Variants in MYLK2 observed in about 807,000 individuals in gnomAD.
MYLK2 encodes myosin light chain kinase 2, skeletal/cardiac muscle.
A neutral mutation model predicts 58.2 loss-of-function variants in MYLK2; 27 were observed. That is an observed-to-expected ratio of 0.46 (90% confidence interval 0.34 to 0.64). MYLK2 has a LOEUF of 0.64. Among genes scored for constraint, MYLK2 ranks in the 30% least tolerant of loss-of-function variants. The pLI, the probability that MYLK2 is intolerant of heterozygous loss-of-function variation, is 0.01. For missense variants in MYLK2, 676 were observed against 764.3 expected (o/e 0.88, Z 1.36); for synonymous variants, 310 against 296.7 (o/e 1.04, Z -0.46).
chr20:31,833,789 G>A lies in MYLK2; in HGVS notation c.1783G>A (p.Gly595Arg), dbSNP rs2062319327. Residue 595 changes from glycine (G) to arginine (R), a missense_variant, in exon 13 of 13, where the codon GGG (glycine) becomes AGG (arginine). Transcript: ENST00000375985. ...CAGCTCGGGGGCACTGATGGCTCTGGGGGTCTGAGCCCTGGGCGCAGCTGA... is the reference window on the plus strand; with the variant it reads ...CAGCTCGGGGGCACTGATGGCTCTGAGGGTCTGAGCCCTGGGCGCAGCTGA... ...ISSSGALMAL[G>R]V 3.1e-6 allele frequency: 5 copies of A among 1,612,704 alleles called. No individual in the cohort carries two copies. The East Asian group carries it at 6.7e-5, about 22-fold the overall frequency.
rs756719732 is a variant in MYLK2 at position 31,832,109 on chromosome 20, G to A, written c.1683G>A (p.Lys561=). The change falls in exon 12 of 13, where the codon AAG becomes AAA. Residue 561 remains lysine (K), a synonymous_variant. Transcript: ENST00000375985. ...GCCTTAAGTCCCAGATCTTGCTTAA[G>A]AAATACCTCATGAAGAGGCGCTGGA... The part of the protein sequence containing the change: ...NRRLKSQILL[K]KYLMKRRWKK... 4.0e-6 allele frequency: 6 copies of A among 1,518,814 alleles called. No individual in the cohort carries two copies. In the South Asian group the frequency reaches 6.7e-5, roughly 17 times the overall value. 94.1% of individuals were successfully genotyped at this position (1,518,814 alleles called of 1,614,324 possible). A position where few individuals can be genotyped will look rare whatever the true frequency, so the allele number is the denominator to read the frequency against.
chr20:31,820,102 A>T, intron 2 of MYLK2, 24 bp from the exon 3 acceptor site: 1 of 1,613,082 alleles, frequency 6.2e-7, no homozygotes, highest in South Asian at 1.1e-5. Context: ...GTGGATCCTG[A>T]TGGGTGTCTC....
At chr20:31,833,681 G>A (rs745884507) in intron 12 of MYLK2, 36 bp from the exon 13 acceptor site, 15 of 1,584,460 alleles carry the variant, frequency 9.5e-6, no homozygotes, top group East Asian at 8.9e-5. Context: ...CCCCTGCCCT[G>A]GTGTTGACTG....
intron 12 of MYLK2, 70 bp from the exon 13 acceptor site, chr20:31,833,647 C>A: frequency 1.5e-6 from 2 of 1,376,728 alleles, no homozygotes; most frequent in Non-Finnish European, 2.1e-6. Context: ...GACTTACAGG[C>A]TGCTCAGACA....
chr20:31,827,286 T>G lies in MYLK2; in HGVS notation c.1224+348T>G, dbSNP rs1328441464. The G allele has an allele frequency of 5.1e-6, 5 of 985,282 alleles. No individual in the cohort carries two copies. In the Admixed American group the frequency reaches 3.1e-4, roughly 61 times the overall value. The allele number at this position is 985,282 out of a possible 1,614,324, so 61.0% of individuals were successfully genotyped here. A position where few individuals can be genotyped will look rare whatever the true frequency, so the allele number is the denominator to read the frequency against. On this transcript the variant is annotated intron_variant, in intron 8 of 12. Transcript: ENST00000375985. ...AATAAGTGTTGCAATAGCACCTGCCTCAGCCTTGGCCCATGATAGGTACTA... is the reference window on the plus strand; with the variant it reads ...AATAAGTGTTGCAATAGCACCTGCCGCAGCCTTGGCCCATGATAGGTACTA...
At chr20:31,824,018 G>A (rs2062265855) in intron 5 of MYLK2, 21 of 985,180 alleles carry the variant, frequency 2.1e-5, no homozygotes, top group Middle Eastern at 5.2e-4. Context: ...CTCCCTACAC[G>A]CCTGCTCTTC....
intron 11 of MYLK2, 30 bp downstream of exon 11, chr20:31,831,885 T>A (rs1045097926): frequency 3.1e-6 from 5 of 1,613,904 alleles, no homozygotes; most frequent in Non-Finnish European, 3.4e-6. Context: ...CTGAACTGTA[T>A]GTGTGCAAGC....
At chr20:31,826,258 G>A (rs1317546345) in intron 6 of MYLK2, among the ~76,000 whole-genome samples, 1 of 152,178 alleles carries the variant, frequency 6.6e-6, no homozygotes, top group East Asian at 1.9e-4. Context: ...CAGAGGTTGA[G>A]ATGTATATTT....
chr20:31,821,388 G>T, intron 3 of MYLK2, 51 bp from the exon 4 acceptor site: 4 of 1,609,552 alleles, frequency 2.5e-6, no homozygotes, highest in East Asian at 2.2e-5. Context: ...CTTGCCTGAT[G>T]CCACAGGCTG....
rs2062318079 is a variant in MYLK2, at chr20:31,833,659, C to A, written c.1711-58C>A. On this transcript the variant is annotated intron_variant, in intron 12 of 12. Transcript: ENST00000375985. ...GGGGACTTACAGGCTGCTCAGACAC[C>A]CTGCAGCTGCCCCCCTGCCCTGGTG... 5 of 1,486,126 alleles carry A rather than the reference C, an allele frequency of 3.4e-6. No individual in the cohort carries two copies. In the South Asian group the frequency reaches 5.6e-5, roughly 17 times the overall value. The allele number at this position is 1,486,126 out of a possible 1,614,324, so 92.1% of individuals were successfully genotyped here. A position where few individuals can be genotyped will look rare whatever the true frequency, so the allele number is the denominator to read the frequency against.
rs2062318885 is a variant in MYLK2 at position 31,833,743 on chromosome 20, C to T, written c.1737C>T (p.Ala579=). 6.2e-6 allele frequency: 10 copies of T among 1,613,954 alleles called. No homozygotes were observed. Among genetic ancestry groups the T allele is most frequent in the South Asian group, 1.1e-5 (1 of 91,088 alleles). Residue 579 remains alanine (A), a synonymous_variant, in exon 13 of 13, where the codon GCC becomes GCT. Transcript: ENST00000375985. The part of the protein sequence containing the change: ...WKKNFIAVSA[A]NRFKKISSSG... ...AAAACTTCATTGCTGTCAGCGCTGCCAACCGCTTCAAGAAGATCAGCAGCT... is the reference window on the plus strand; with the variant it reads ...AAAACTTCATTGCTGTCAGCGCTGCTAACCGCTTCAAGAAGATCAGCAGCT...
rs755363421 is a variant in MYLK2 at position 31,820,257 on chromosome 20, G to A, written c.184G>A (p.Gly62Arg). The change falls in exon 3 of 13, where the codon GGG becomes AGG. Residue 62 changes from glycine to arginine, a missense_variant. Gly to Arg is a moderately radical substitution (Grantham distance 125). Transcript: ENST00000375985. Reference sequence around the variant, plus strand: ...TGCCAAAGCCCCTGCCTCAGAGAAAGGGGATGGTACCCTGGCCCAACCCTC... The same window carrying A: ...TGCCAAAGCCCCTGCCTCAGAGAAAAGGGATGGTACCCTGGCCCAACCCTC... ...KDAKAPASEK[G>R]DGTLAQPSTS... is the part of the protein sequence containing the mutation. 31 of 1,613,910 alleles carry A rather than the reference G, an allele frequency of 1.9e-5. No individual in the cohort carries two copies. The Admixed American group carries it at 2.3e-4, about 12-fold the overall frequency.
In MYLK2 at chr20:31,824,326, A is replaced by G. The variant is rs1300645321; in HGVS notation, c.946A>G (p.Ile316Val). The G allele has an allele frequency of 6.2e-7, 1 of 1,613,072 alleles. No individual in the cohort carries two copies. Among genetic ancestry groups the G allele is most frequent in the Non-Finnish European group, 8.5e-7 (1 of 1,179,462 alleles). Reference sequence around the variant, plus strand: ...AGGCCTCAAGCTGGCAGCCAAGGTCATCAAGAAACAGACTCCCAAAGACAA... The same window carrying G: ...AGGCCTCAAGCTGGCAGCCAAGGTCGTCAAGAAACAGACTCCCAAAGACAA... The part of the protein sequence containing the change: ...ATGLKLAAKV[I>V]KKQTPKDKEM... Residue 316 changes from isoleucine (I) to valine (V), a missense_variant, in exon 6 of 13, where the codon ATC becomes GTC. By Grantham distance (29) the Ile-to-Val change is conservative. Coordinates refer to ENST00000375985, the MANE Select transcript of MYLK2 (RefSeq NM_033118.4).
At position 31,820,179 on chromosome 20, in the gene MYLK2, C is replaced by T. The variant is rs755311375; in HGVS notation, c.106C>T (p.Pro36Ser). ...AAGACCCCTGGCTGCAGGGAAAGAC[C>T]CTGGCCCCCCAGACCCAAAGAAAGC... The part of the protein sequence containing the change: ...GERPLAAGKD[P>S]GPPDPKKAPD... Residue 36 changes from proline to serine, a missense_variant, in exon 3 of 13, where the codon CCT becomes TCT. Pro to Ser is a moderately conservative substitution (Grantham distance 74). Around this residue, in one of 2 missense-constraint regions of MYLK2, gnomAD observed 306 missense variants for 296.5 expected, o/e 1.03. Transcript: ENST00000375985. The T allele has an allele frequency of 1.9e-6, 3 of 1,613,968 alleles. No homozygotes were observed. Among genetic ancestry groups the T allele is most frequent in the South Asian group, 1.1e-5 (1 of 91,076 alleles).
chr20:31,824,907 CG>C (rs1227037071), intron 6 of MYLK2, among the ~76,000 whole-genome samples: 2 of 152,158 alleles, frequency 1.3e-5, no homozygotes, highest in Admixed American at 6.5e-5. Flanking sequence ...AGGGAAACTG[CG>C]GGGTAGCATT....
rs568958030 is a variant in MYLK2, at chr20:31,833,986, C to T, written c.*189C>T. The T allele has an allele frequency of 3.1e-5, 19 of 608,468 alleles. No individual in the cohort carries two copies. The highest frequency in any genetic ancestry group is 5.8e-5 in the South Asian group (3 of 51,864). The allele number at this position is 608,468 out of a possible 1,614,324, so 37.7% of individuals were successfully genotyped here. The stretch of plus-strand genomic sequence containing the variant: ...ACCGCTTCCCCGATGTGAGCCGCCT[C>T]GGAGTGTGGCCTGGATCCATCCTGC... On this transcript the variant is annotated 3_prime_UTR_variant, in exon 13 of 13. Transcript: ENST00000375985.
intron 8 of MYLK2, among the ~76,000 whole-genome samples, chr20:31,830,574 G>A (rs1490033792): frequency 2.0e-5 from 3 of 152,208 alleles, no homozygotes; most frequent in Admixed American, 2.0e-4. Context: ...CTTAGATGGA[G>A]GGAAATCTCA....
Position 31,826,680 on chromosome 20 carries a change from G to A in MYLK2, c.1048G>A (p.Glu350Lys), listed in dbSNP as rs1202287851. 6 of 1,613,984 alleles carry A rather than the reference G, an allele frequency of 3.7e-6. No individual in the cohort carries two copies. The highest frequency in any genetic ancestry group is 5.1e-6 in the Non-Finnish European group (6 of 1,180,032). The change falls in exon 7 of 13, where the codon GAG becomes AAG. Residue 350 changes from glutamate to lysine, a missense_variant. Physicochemically the swap from Glu to Lys is moderately conservative, Grantham distance 56 (BLOSUM62 1). Around this residue, in one of 2 missense-constraint regions of MYLK2, gnomAD observed 370 missense variants for 467.8 expected, o/e 0.79. Coordinates refer to ENST00000375985, the MANE Select transcript of MYLK2 (RefSeq NM_033118.4). The part of the protein sequence containing the change: ...RNLIQLYAAI[E>K]TPHEIVLFME... ...TCTGATCCAGCTGTATGCAGCCATC[G>A]AGACTCCGCATGAGATCGTCCTGTT...
At chr20:31,826,183 T>C (rs1331581380) in intron 6 of MYLK2, among the ~76,000 whole-genome samples, 1 of 152,152 alleles carries the variant, frequency 6.6e-6, no homozygotes, top group Non-Finnish European at 1.5e-5. Context: ...ATTTGAGATG[T>C]CTATTAGACA....
Sources: allele counts gnomAD v4.1 joint callset (sites outside exome capture counted in the v4.1 genomes callset), GRCh38; gene constraint gnomAD v4.1.1; regional missense constraint gnomAD v4.1.1; transcripts MANE v1.5; gene names NCBI Gene and HGNC (gene_info 2026-07-23, HGNC 2026-07-21).